TTLL1: variants seen among roughly 807,000 people sequenced by gnomAD.
The protein encoded by TTLL1 is TTL family tubulin polyglutamylase complex subunit L1.
In TTLL1, 33 loss-of-function variants were observed where a neutral mutation model predicts 47.8. The ratio of observed to expected loss-of-function variants is 0.69; its 90% CI spans 0.52 to 0.92. The LOEUF is 0.92. TTLL1 is among the 40% of genes least tolerant of loss of function. TTLL1 has a pLI of 0.00. For synonymous variants in TTLL1, 225 were observed against 214.1 expected, an observed-to-expected ratio of 1.05 and a Z score of -0.45; for missense variants, 488 against 547.5, an observed-to-expected ratio of 0.89 and a Z score of 1.08.
intron 2 of TTLL1, among the ~76,000 whole-genome samples, chr22:43,078,597 C>T (rs1462910219): frequency 6.6e-6 from 1 of 152,050 alleles, no homozygotes; most frequent in Non-Finnish European, 1.5e-5. Flanking sequence ...TGATACTACT[C>T]TAAAGTGCCG....
At chr22:43,069,941 C>A in intron 3 of TTLL1, 97 bp from the exon 4 acceptor site, 1 of 1,502,734 alleles carries the variant, frequency 6.7e-7, no homozygotes, top group South Asian at 1.3e-5. Context: ...CCTCAGCACC[C>A]TTCACCACTA....
chr22:43,081,227 T>C (rs958666100), intron 1 of TTLL1, among the ~76,000 whole-genome samples: 2 of 152,008 alleles, frequency 1.3e-5, no homozygotes, highest in African/African-American at 2.4e-5. Flanking sequence ...CACAGAATCT[T>C]TCCAGGCTGT....
chr22:43,043,144 T>C (rs1463413105), intron 10 of TTLL1, among the ~76,000 whole-genome samples: 1 of 151,982 alleles, frequency 6.6e-6, no homozygotes, highest in Non-Finnish European at 1.5e-5. Context: ...TTTCACCATG[T>C]TGGCCAGGCT....
rs535343980 is a variant in TTLL1, at chr22:43,048,195, T to A, written c.979-1622A>T. 6.6e-5 allele frequency among the ~76,000 whole-genome samples: 10 copies of A among 151,924 alleles called. No homozygotes were observed. The South Asian group carries it at 2.1e-3, about 32-fold the overall frequency. On this transcript the variant is annotated intron_variant, in intron 9 of 10. Coordinates refer to ENST00000266254, the MANE Select transcript of TTLL1 (RefSeq NM_012263.5). The stretch of plus-strand genomic sequence containing the variant: ...AGCCAAGTGTGGTGGCAGGCGCCTG[T>A]AATCCCAGCCACTTGGGAGACTGAG...
intron 5 of TTLL1, among the ~76,000 whole-genome samples, chr22:43,068,096 G>A (rs1199280848): frequency 6.8e-6 from 1 of 147,714 alleles, no homozygotes; most frequent in Non-Finnish European, 1.5e-5. Context: ...TTACAGGCAT[G>A]AGCCACCATG....
At chr22:43,041,443 C>A (rs373768039) in intron 10 of TTLL1, 1 of 151,752 alleles carries the variant, frequency 6.6e-6, no homozygotes, top group African/African-American at 2.4e-5. Context: ...TTAGAAACTT[C>A]TGAGGTTAAA....
At chr22:43,087,769 C>T (rs137870495) in intron 1 of TTLL1, among the ~76,000 whole-genome samples, 9 of 141,636 alleles carry the variant, frequency 6.4e-5, no homozygotes, top group African/African-American at 2.4e-4. Context: ...ACCCGGGAGG[C>T]AGAGGTTGCA....
At position 43,079,450 on chromosome 22, in the gene TTLL1, G is replaced by A. The variant is rs535890921; in HGVS notation, c.-5+452C>T. Among the ~76,000 whole-genome samples the A allele has an allele frequency of 2.6e-5, 4 of 152,328 alleles. No individual in the cohort carries two copies. In the South Asian group the frequency reaches 6.2e-4, roughly 24 times the overall value. ...CTCACACCCGCAGACACGGGGCCAC[G>A]CCAATGGCTCAGGGAACTTTTCATT... On this transcript the variant is annotated intron_variant, in intron 2 of 10. Transcript: ENST00000266254.
Position 43,064,200 on chromosome 22 carries a change from G to A in TTLL1, c.628C>T (p.Arg210Cys), listed in dbSNP as rs780169503. ...YVLVSTYRPL[R>C]CYMYKLGFCR... ...CTTAGGGACGCTTACATGTAACAGC[G>A]CAGTGGACGGTACGTGGACACCAGA... Residue 210 changes from arginine (R) to cysteine (C), a missense_variant, in exon 6 of 11, where the codon CGC (arginine) becomes TGC (cysteine). Transcript: ENST00000266254. 9.9e-6 allele frequency: 16 copies of A among 1,612,192 alleles called. No homozygotes were observed. The highest frequency in any genetic ancestry group is 2.2e-5 in the South Asian group (2 of 90,380).
At chr22:43,081,676 T>C (rs546510027) in intron 1 of TTLL1, among the ~76,000 whole-genome samples, 1 of 150,132 alleles carries the variant, frequency 6.7e-6, no homozygotes, top group Non-Finnish European at 1.5e-5. Context: ...GCCTCCCAAG[T>C]AGCTGGGACT....
chr22:43,039,992 C>A (rs1925537697), intron 10 of TTLL1, 87 bp from the exon 11 acceptor site: 1 of 1,512,526 alleles, frequency 6.6e-7, no homozygotes, highest in African/African-American at 1.4e-5. Context: ...GCAAATATGA[C>A]ATCACCCAGA....
chr22:43,068,508 C>T lies in TTLL1; in HGVS notation c.405G>A (p.Trp135Ter). 1.9e-6 allele frequency: 3 copies of T among 1,576,968 alleles called. No homozygotes were observed. The highest frequency in any genetic ancestry group is 2.6e-6 in the Non-Finnish European group (3 of 1,152,948). The change falls in exon 5 of 11, where the codon TGG becomes TGA. Residue 135 changes from tryptophan to a stop codon, truncating the protein, a stop_gained. Coordinates refer to ENST00000266254, the MANE Select transcript of TTLL1 (RefSeq NM_012263.5). LOFTEE classifies it high-confidence loss of function. ...GGGCCTTGCCACAAGGCTTCATGATCCAGGTGCTGGACGGGCTCTTCCGGA... is the reference window on the plus strand; with the variant it reads ...GGGCCTTGCCACAAGGCTTCATGATTCAGGTGCTGGACGGGCTCTTCCGGA... The part of the protein sequence containing the change: ...EEFRKSPSST[W>*]IMKPCGKAQG...
chr22:43,040,580 G>A (rs1446636142), intron 10 of TTLL1, among the ~76,000 whole-genome samples: 1 of 152,134 alleles, frequency 6.6e-6, no homozygotes, highest in Non-Finnish European at 1.5e-5. Context: ...CAGGTAGCTG[G>A]GATCATAGGT....
chr22:43,080,100 G>A (rs1390711275), intron 1 of TTLL1, 114 bp from the exon 2 acceptor site: 1 of 152,132 alleles, frequency 6.6e-6, no homozygotes. Context: ...GCTCAACCAG[G>A]CTGAAGTGCA....
At chr22:43,080,382 C>G (rs949935050) in intron 1 of TTLL1, among the ~76,000 whole-genome samples, 1 of 152,050 alleles carries the variant, frequency 6.6e-6, no homozygotes, top group Non-Finnish European at 1.5e-5. Context: ...AATACTATGA[C>G]AAAACCGTAA....
At position 43,051,867 on chromosome 22, in the gene TTLL1, C is replaced by T. The variant is rs776457750; in HGVS notation, c.912G>A (p.Lys304=). 7 of 1,613,918 alleles carry T rather than the reference C, an allele frequency of 4.3e-6. No homozygotes were observed. The African/African-American group carries it at 8.0e-5, about 18-fold the overall frequency. Residue 304 remains lysine, a synonymous_variant, in exon 9 of 11, where the codon AAG becomes AAA. Transcript: ENST00000266254. Reference sequence around the variant, plus strand: ...CGTAGCCATAGCATTCAAAGCAGTGCTTGTCATTGTTCATCACCGGCTGGA... The same window carrying T: ...CGTAGCCATAGCATTCAAAGCAGTGTTTGTCATTGTTCATCACCGGCTGGA... ...KAVAPVMNND[K]HCFECYGYDI...
chr22:43,043,622 C>A (rs989570408), intron 10 of TTLL1, among the ~76,000 whole-genome samples: 3 of 152,110 alleles, frequency 2.0e-5, no homozygotes, highest in Admixed American at 6.5e-5. Flanking sequence ...TCGCACCCAC[C>A]ATGCCCTCTG....
intron 5 of TTLL1, among the ~76,000 whole-genome samples, chr22:43,066,683 T>TAA (rs34915225): frequency 1.0e-4 from 15 of 146,020 alleles, no homozygotes; most frequent in Admixed American, 2.0e-4. Flanking sequence ...GATCCCGTCT[T>TAA]AAAAAAAAAA....
chr22:43,044,877 T>C (rs1358339386), intron 10 of TTLL1, among the ~76,000 whole-genome samples: 3 of 151,894 alleles, frequency 2.0e-5, no homozygotes, highest in Non-Finnish European at 4.4e-5. Flanking sequence ...TTTTTTTTTT[T>C]TTGGAGACAG....
Sources: allele counts gnomAD v4.1 joint callset (sites outside exome capture counted in the v4.1 genomes callset), GRCh38; gene constraint gnomAD v4.1.1; transcripts MANE v1.5; gene names NCBI Gene and HGNC (gene_info 2026-07-23, HGNC 2026-07-21).